The following SNX10 variants were observed in gnomAD, a reference collection of about 807,000 sequenced individuals.
The protein encoded by SNX10 is sorting nexin-10.
SNX10 carries 25 observed loss-of-function variants against 28.5 expected under a neutral mutation model. The observed-to-expected ratio is 0.88, with a 90% CI of 0.64 to 1.22. The LOEUF (loss-of-function observed/expected upper bound fraction) is 1.22. Among genes scored for constraint, SNX10 ranks in the 50% most tolerant of loss-of-function variants. The pLI, the probability that SNX10 is intolerant of heterozygous loss-of-function variation, is 0.00. For missense variants in SNX10, 223 were observed against 242.6 expected, an observed-to-expected ratio of 0.92 and a Z score of 0.54; for synonymous variants, 62 against 81.4, an observed-to-expected ratio of 0.76 and a Z score of 1.28.
chr7:26,346,547 C>T, intron 2 of SNX10, 81 bp downstream of exon 2: 1 of 1,070,328 alleles, frequency 9.3e-7, no homozygotes, highest in East Asian at 2.4e-5. Context: ...GAACCATAAA[C>T]CCATGGGTTG....
intron 1 of SNX10, among the ~76,000 whole-genome samples, chr7:26,304,473 A>C (rs964215902): frequency 6.6e-6 from 1 of 151,986 alleles, no homozygotes; most frequent in Non-Finnish European, 1.5e-5. Flanking sequence ...AGAACGTGTC[A>C]CTCCAGTCCT....
At chr7:26,292,776 C>A (rs1185589498) in intron 1 of SNX10, among the ~76,000 whole-genome samples, 1 of 152,142 alleles carries the variant, frequency 6.6e-6, no homozygotes, top group Admixed American at 6.5e-5. Context: ...AAAATTAGAA[C>A]GGGGAGGAGG....
At chr7:26,369,995 T>C (rs1258089527) in intron 5 of SNX10, among the ~76,000 whole-genome samples, 1 of 152,240 alleles carries the variant, frequency 6.6e-6, no homozygotes, top group Non-Finnish European at 1.5e-5. Flanking sequence ...GCATTAGTGC[T>C]CATTACTGTT....
intron 5 of SNX10, among the ~76,000 whole-genome samples, chr7:26,365,716 A>G (rs1426663844): frequency 6.6e-6 from 1 of 152,174 alleles, no homozygotes; most frequent in Non-Finnish European, 1.5e-5. Flanking sequence ...TCACACTACC[A>G]GTGATTTCCC....
At chr7:26,359,623 C>G (rs1365645191) in intron 2 of SNX10, among the ~76,000 whole-genome samples, 2 of 151,266 alleles carry the variant, frequency 1.3e-5, no homozygotes, top group African/African-American at 4.9e-5. Flanking sequence ...AATTTTTAAA[C>G]TAAACCTATT....
In SNX10 at chr7:26,303,334, C is replaced by T. The variant is rs532498140; in HGVS notation, c.-24+11248C>T. ...TGGAAAGTCAAAAACTGAAGCTGCA[C>T]TTTCACTCCTCTCCCAAGGCCCAAG... On this transcript the variant is annotated intron_variant, in intron 1 of 6. Coordinates refer to ENST00000338523, the MANE Select transcript of SNX10 (RefSeq NM_013322.3). Among the ~76,000 whole-genome samples, 4 of 152,324 alleles carry T rather than the reference C, an allele frequency of 2.6e-5. No homozygotes were observed. In the South Asian group the frequency reaches 8.3e-4, roughly 32 times the overall value.
At chr7:26,309,368 CAAA>C (rs66530736) in intron 1 of SNX10, among the ~76,000 whole-genome samples, 8 of 140,294 alleles carry the variant, frequency 5.7e-5, no homozygotes, top group Admixed American at 1.4e-4. Context: ...CTTAATCATC[CAAA>C]AAAAAAAAAA....
chr7:26,367,767 C>T (rs1269054973), intron 5 of SNX10, among the ~76,000 whole-genome samples: 1 of 152,192 alleles, frequency 6.6e-6, no homozygotes, highest in East Asian at 1.9e-4. Flanking sequence ...CTCTGAGCCC[C>T]CACTGGTTAC....
At chr7:26,314,652 A>G (rs1352519190) in intron 1 of SNX10, among the ~76,000 whole-genome samples, 2 of 152,110 alleles carry the variant, frequency 1.3e-5, no homozygotes, top group African/African-American at 4.8e-5. Context: ...TTCATAGTTG[A>G]GTATCAAGAA....
chr7:26,347,966 G>C (rs969199913), intron 2 of SNX10, among the ~76,000 whole-genome samples: 4 of 152,170 alleles, frequency 2.6e-5, no homozygotes, highest in East Asian at 3.9e-4. Context: ...TTTTAGTAGA[G>C]ACAGGGTCTC....
chr7:26,320,976 A>G (rs996593155), intron 1 of SNX10, among the ~76,000 whole-genome samples: 5 of 152,338 alleles, frequency 3.3e-5, no homozygotes, highest in Non-Finnish European at 5.9e-5. Context: ...AGTTATAAAC[A>G]TGGCTCAGTG....
At chr7:26,298,469 AT>A (rs1268646430) in intron 1 of SNX10, among the ~76,000 whole-genome samples, 1 of 152,180 alleles carries the variant, frequency 6.6e-6, no homozygotes, top group African/African-American at 2.4e-5. Flanking sequence ...GGGAAAATAG[AT>A]TGTCACTATA....
At chr7:26,335,735 C>CTTTTTTT (rs57340085) in intron 1 of SNX10, among the ~76,000 whole-genome samples, 10 of 84,274 alleles carry the variant, frequency 1.2e-4, no homozygotes, top group East Asian at 3.6e-4. Context: ...ATGGAATATT[C>CTTTTTTT]TTTTTTTTTT....
intron 1 of SNX10, among the ~76,000 whole-genome samples, chr7:26,335,602 T>A (rs1014732617): frequency 2.6e-5 from 4 of 152,112 alleles, no homozygotes; most frequent in Admixed American, 2.6e-4. Flanking sequence ...CCAGCAGATC[T>A]GGGAGGGCCC....
At chr7:26,292,847 C>T (rs1424629191) in intron 1 of SNX10, among the ~76,000 whole-genome samples, 1 of 152,220 alleles carries the variant, frequency 6.6e-6, no homozygotes, top group Non-Finnish European at 1.5e-5. Flanking sequence ...GGCCGAGGGA[C>T]GCTGAGTGTT....
chr7:26,346,602 C>T lies in SNX10; in HGVS notation c.24+136C>T, dbSNP rs911166456. The stretch of plus-strand genomic sequence containing the variant: ...AGACCAAAGGCCCACCCTCCTGTAC[C>T]TGCTCCTCTACTCCCACCATTGGTG... On this transcript the variant is annotated intron_variant, in intron 2 of 6. Transcript: ENST00000338523. 5.5e-6 allele frequency: 4 copies of T among 729,724 alleles called. No individual in the cohort carries two copies. The African/African-American group carries it at 7.0e-5, about 13-fold the overall frequency. The allele number at this position is 729,724 out of a possible 1,614,324, so 45.2% of individuals were successfully genotyped here.
intron 1 of SNX10, among the ~76,000 whole-genome samples, chr7:26,338,741 CT>C (rs1254427521): frequency 6.6e-6 from 1 of 152,024 alleles, no homozygotes; most frequent in African/African-American, 2.4e-5. Context: ...CGGGTAGGAG[CT>C]TAGGAAGTAG....
chr7:26,308,922 CT>C (rs1298785784), intron 1 of SNX10, among the ~76,000 whole-genome samples: 2 of 152,130 alleles, frequency 1.3e-5, no homozygotes, highest in Non-Finnish European at 2.9e-5. Flanking sequence ...GAATTGATTG[CT>C]TGCTTGTTGG....
At chr7:26,326,469 A>G (rs557484420) in intron 1 of SNX10, among the ~76,000 whole-genome samples, 1 of 152,186 alleles carries the variant, frequency 6.6e-6, no homozygotes, top group East Asian at 1.9e-4. Context: ...GCCTCCCTAC[A>G]TGGATCATAC....
Sources: gnomAD v4.1 joint callset for allele counts (sites outside exome capture counted in the v4.1 genomes callset) on GRCh38, gnomAD v4.1.1 for gene constraint, MANE v1.5 for transcripts, NCBI Gene and HGNC (gene_info 2026-07-23, HGNC 2026-07-21) for gene names.